Variants in SPAG16 observed in about 807,000 individuals in gnomAD.
SPAG16 encodes sperm associated antigen 16.
A neutral mutation model predicts 80.4 loss-of-function variants in SPAG16; 86 were observed. The ratio of observed to expected loss-of-function variants is 1.07; its 90% CI spans 0.90 to 1.28. SPAG16 has a LOEUF of 1.28. Ranked by LOEUF, SPAG16 falls within the 50% of genes most tolerant of loss-of-function variation. SPAG16 has a pLI of 0.00. For missense variants in SPAG16, 870 were observed against 765.3 expected (o/e 1.14, Z -1.61); for synonymous variants, 294 against 265.9 (o/e 1.11, Z -1.03).
chr2:213,601,347 A>G (rs1005108056), intron 10 of SPAG16, among the ~76,000 whole-genome samples: 10 of 152,130 alleles, frequency 6.6e-5, no homozygotes, highest in Non-Finnish European at 1.2e-4. Flanking sequence ...CTTCTTTTTC[A>G]GTTCATCATG....
intron 10 of SPAG16, among the ~76,000 whole-genome samples, chr2:213,578,642 C>A (rs919569767): frequency 1.3e-5 from 2 of 152,008 alleles, no homozygotes; most frequent in Non-Finnish European, 2.9e-5. Context: ...CTCAAGGCAT[C>A]GCTTCTACAC....
intron 10 of SPAG16, among the ~76,000 whole-genome samples, chr2:213,841,371 A>G (rs1392517807): frequency 2.0e-5 from 3 of 152,204 alleles, no homozygotes; most frequent in Admixed American, 2.0e-4. Context: ...TATTCATGTT[A>G]GACCCTTGGT....
At position 213,519,244 on chromosome 2, in the gene SPAG16, A is replaced by G. The variant is rs543825904; in HGVS notation, c.1070+29154A>G. 2.7e-4 allele frequency among the ~76,000 whole-genome samples: 41 copies of G among 152,348 alleles called. No homozygotes were observed. In the South Asian group the frequency reaches 7.0e-3, roughly 26 times the overall value. On this transcript the variant is annotated intron_variant, in intron 10 of 15. Coordinates refer to ENST00000331683, the MANE Select transcript of SPAG16 (RefSeq NM_024532.5). ...AAACCTTAAAATTTTCTACTGATTC[A>G]TACCCTTACTTTTAAAAAAGTTAGC...
intron 10 of SPAG16, among the ~76,000 whole-genome samples, chr2:213,591,041 TA>T (rs1460350155): frequency 1.3e-5 from 2 of 152,196 alleles, no homozygotes; most frequent in Admixed American, 1.3e-4. Context: ...ATTAACATAG[TA>T]ACAGAAAACC....
At chr2:214,238,434 A>T (rs1174825604) in intron 15 of SPAG16, 1 of 161,594 alleles carries the variant, frequency 6.2e-6, no homozygotes, top group Non-Finnish European at 1.4e-5. Context: ...ATTTTATATC[A>T]TTATAAATAA....
rs142855558 is a variant in SPAG16, at chr2:213,822,678, C to T, written c.1071-39807C>T. Among the ~76,000 whole-genome samples, 724 of 152,222 alleles carry T rather than the reference C, an allele frequency of 4.8e-3. 4 individuals are homozygous for T. Among genetic ancestry groups the T allele is most frequent in the African/African-American group, 0.016 (666 of 41,548 alleles). ...GTTTGTTACGTAAGTACACGTGTGC[C>T]ATGGTGGTTTGCTGAACCTATTGAC... On this transcript the variant is annotated intron_variant, in intron 10 of 15. Coordinates refer to ENST00000331683, the MANE Select transcript of SPAG16 (RefSeq NM_024532.5).
rs200857781 is a variant in SPAG16, at chr2:213,848,119, G to A, written c.1071-14366G>A. On this transcript the variant is annotated intron_variant, in intron 10 of 15. Coordinates refer to ENST00000331683, the MANE Select transcript of SPAG16 (RefSeq NM_024532.5). ...AAACTCAGTGTAGATAATAAATTATGCAACTGAATACCTGTGGAGTCACTC... is the reference window on the plus strand; with the variant it reads ...AAACTCAGTGTAGATAATAAATTATACAACTGAATACCTGTGGAGTCACTC... Among the ~76,000 whole-genome samples, 11 of 152,274 alleles carry A rather than the reference G, an allele frequency of 7.2e-5. No homozygotes were observed. The East Asian group carries it at 1.7e-3, about 24-fold the overall frequency.
chr2:213,455,328 T>C (rs2071934963), intron 9 of SPAG16, among the ~76,000 whole-genome samples: 2 of 152,208 alleles, frequency 1.3e-5, no homozygotes, highest in Admixed American at 6.5e-5. Flanking sequence ...CCTTGAAACA[T>C]ACTTTACAAC....
In SPAG16 at chr2:214,013,978, A is replaced by G; in HGVS notation, c.1428A>G (p.Gly476=). The G allele has an allele frequency of 6.2e-7, 1 of 1,613,474 alleles. No individual in the cohort carries two copies. The highest frequency in any genetic ancestry group is 1.1e-5 in the South Asian group (1 of 91,066). Reference sequence around the variant, plus strand: ...AAAGATGCAGATGTACTTTGTATGGACATACAGATTCTGTGAACAGCATTG... The same window carrying G: ...AAAGATGCAGATGTACTTTGTATGGGCATACAGATTCTGTGAACAGCATTG... ...NSERCRCTLY[G]HTDSVNSIEF... Residue 476 remains glycine, a synonymous_variant, in exon 13 of 16, where the codon GGA becomes GGG. Transcript: ENST00000331683.
chr2:214,221,626 C>G (rs1222574467), intron 15 of SPAG16, among the ~76,000 whole-genome samples: 1 of 152,038 alleles, frequency 6.6e-6, no homozygotes, highest in African/African-American at 2.4e-5. Flanking sequence ...GAATGCATCT[C>G]TTTAGCTTTT....
At chr2:214,154,495 C>A in intron 15 of SPAG16, among the ~76,000 whole-genome samples, 1 of 88,348 alleles carries the variant, frequency 1.1e-5, no homozygotes, top group African/African-American at 3.7e-5. Context: ...CAAAAAGTAT[C>A]AGACCCCCCC....
intron 10 of SPAG16, among the ~76,000 whole-genome samples, chr2:213,756,246 C>T (rs985876556): frequency 1.3e-5 from 2 of 152,064 alleles, no homozygotes; most frequent in African/African-American, 4.8e-5. Flanking sequence ...TTTGGGAGGC[C>T]GAGGCAGGTG....
intron 15 of SPAG16, among the ~76,000 whole-genome samples, chr2:214,269,862 CT>C (rs1230774840): frequency 2.0e-5 from 3 of 152,038 alleles, no homozygotes; most frequent in African/African-American, 7.2e-5. Flanking sequence ...TGGGGGTCAC[CT>C]TGTATCCTCT....
chr2:213,922,827 G>T (rs544406971), intron 11 of SPAG16, among the ~76,000 whole-genome samples: 2 of 152,188 alleles, frequency 1.3e-5, no homozygotes, highest in Non-Finnish European at 2.9e-5. Context: ...CTGTCTGCAT[G>T]CCCGCATTTC....
chr2:213,847,164 G>A (rs1339305340), intron 10 of SPAG16, among the ~76,000 whole-genome samples: 1 of 152,086 alleles, frequency 6.6e-6, no homozygotes, highest in Admixed American at 6.5e-5. Context: ...CTTGCTCATA[G>A]GGACTGCTGT....
intron 15 of SPAG16, among the ~76,000 whole-genome samples, chr2:214,341,358 G>T (rs748669000): frequency 2.0e-5 from 3 of 152,044 alleles, no homozygotes; most frequent in Non-Finnish European, 4.4e-5. Flanking sequence ...AATGATAAAA[G>T]AAAATTCCTC....
intron 10 of SPAG16, among the ~76,000 whole-genome samples, chr2:213,582,068 A>G (rs2060315334): frequency 6.6e-6 from 1 of 152,202 alleles, no homozygotes; most frequent in Non-Finnish European, 1.5e-5. Flanking sequence ...TGCAATCTCA[A>G]GTCAACTTAA....
intron 15 of SPAG16, among the ~76,000 whole-genome samples, chr2:214,229,361 A>T (rs1688527523): frequency 6.6e-6 from 1 of 151,768 alleles, no homozygotes; most frequent in African/African-American, 2.4e-5. Context: ...TAAAGATGTG[A>T]GAGAGAAGAA....
intron 2 of SPAG16, chr2:213,297,056 TA>T: frequency 7.2e-7 from 1 of 1,397,308 alleles, no homozygotes; most frequent in Non-Finnish European, 9.4e-7. Flanking sequence ...ATCCTGAATT[TA>T]TTAGAAGTGA....
Sources: gnomAD v4.1 joint callset for allele counts (sites outside exome capture counted in the v4.1 genomes callset) on GRCh38, gnomAD v4.1.1 for gene constraint, MANE v1.5 for transcripts, NCBI Gene and HGNC (gene_info 2026-07-23, HGNC 2026-07-21) for gene names.